The following SERPINB13 variants were observed in gnomAD, a reference collection of about 807,000 sequenced individuals.
SERPINB13 encodes the protein serpin family B member 13, also known as serpin B13.
A neutral mutation model predicts 31.2 loss-of-function variants in SERPINB13; 26 were observed. The observed-to-expected ratio is 0.83, with a 90% CI of 0.61 to 1.15. SERPINB13 has a LOEUF of 1.15. SERPINB13 is among the 50% of genes most tolerant of loss of function. The probability of loss-of-function intolerance (pLI) is 0.00; values close to 1 mark genes in which losing one functional copy is unlikely to be tolerated. For synonymous variants in SERPINB13, 191 were observed against 172.4 expected, an observed-to-expected ratio of 1.11 and a Z score of -0.85; for missense variants, 510 against 469.4, an observed-to-expected ratio of 1.09 and a Z score of -0.80.
rs1224717147 is a variant in SERPINB13 at position 63,588,807 on chromosome 18, G to A, written c.140G>A (p.Gly47Glu). ...AIGMVLLGTR[G>E]ATASQLEEVF... ...GGCATGGTCCTCCTGGGGACCCGAG[G>A]AGCCACCGCTTCCCAGTTGGAGGAG... Residue 47 changes from glycine to glutamate, a missense_variant, in exon 2 of 8, where the codon GGA becomes GAA. Transcript: ENST00000344731. The A allele has an allele frequency of 2.5e-6, 4 of 1,614,030 alleles. No homozygotes were observed. The highest frequency in any genetic ancestry group is 1.7e-4 in the Middle Eastern group (1 of 6,050).
In SERPINB13 at chr18:63,597,159, G is replaced by A. The variant is rs761586600; in HGVS notation, c.972G>A (p.Gly324=). 2 of 1,614,214 alleles carry A rather than the reference G, an allele frequency of 1.2e-6. No homozygotes were observed. The highest frequency in any genetic ancestry group is 1.7e-5 in the Admixed American group (1 of 60,024). ...ACTCGGGAATGTCGTCAGGCTCCGG[G>A]TTGTACGCCCAGAAGTTCCTGCACA... ...ADYSGMSSGS[G]LYAQKFLHSS... The change falls in exon 8 of 8, where the codon GGG becomes GGA. Residue 324 remains glycine (G), a synonymous_variant. Coordinates refer to ENST00000344731, the MANE Select transcript of SERPINB13 (RefSeq NM_012397.4).
At chr18:63,595,495 T>A (rs1166714095) in intron 7 of SERPINB13, among the ~76,000 whole-genome samples, 1 of 152,212 alleles carries the variant, frequency 6.6e-6, no homozygotes, top group East Asian at 1.9e-4. Context: ...AAATCACATA[T>A]GCATATATAC....
Position 63,592,921 on chromosome 18 carries a change from C to T in SERPINB13, c.422C>T (p.Ala141Val), listed in dbSNP as rs143364108. Residue 141 changes from alanine to valine, a missense_variant, in exon 5 of 8, where the codon GCC becomes GTC. Ala to Val is a moderately conservative substitution (Grantham distance 64, BLOSUM62 0). Transcript: ENST00000344731. ...SLEPVDFVNA[A>V]DESRKKINSW... ...GAACCTGTTGATTTTGTAAATGCAGCCGATGAAAGTCGAAAGAAGATTAAT... is the reference window on the plus strand; with the variant it reads ...GAACCTGTTGATTTTGTAAATGCAGTCGATGAAAGTCGAAAGAAGATTAAT... 1.8e-3 allele frequency: 2,894 copies of T among 1,613,076 alleles called. 20 individuals carry two copies. Among genetic ancestry groups the T allele is most frequent in the Non-Finnish European group, 1.1e-3 (1,253 of 1,179,416 alleles).
rs899348265 is a variant in SERPINB13 at position 63,589,997 on chromosome 18, G to T, written c.225+282G>T. 2.6e-5 allele frequency: 11 copies of T among 416,288 alleles called. 1 individual carries two copies. Among genetic ancestry groups the T allele is most frequent in the African/African-American group, 4.1e-5 (2 of 48,914 alleles). 25.8% of individuals were successfully genotyped at this position (416,288 alleles called of 1,614,324 possible). ...GCTAATAGACAGAAAAGTTCCCATA[G>T]CAGAGTGGATGGGTTTTGGAGTTAA... On this transcript the variant is annotated intron_variant, in intron 3 of 7. Transcript: ENST00000344731.
At position 63,594,103 on chromosome 18, in the gene SERPINB13, A is replaced by T. The variant is rs1178103955; in HGVS notation, c.473-252A>T. The T allele has an allele frequency of 3.7e-6, 5 of 1,364,150 alleles. No homozygotes were observed. The African/African-American group carries it at 7.3e-5, about 20-fold the overall frequency. 84.5% of individuals were successfully genotyped at this position (1,364,150 alleles called of 1,614,324 possible). A position where few individuals can be genotyped will look rare whatever the true frequency, so the allele number is the denominator to read the frequency against. On this transcript the variant is annotated intron_variant, in intron 5 of 7. Coordinates refer to ENST00000344731, the MANE Select transcript of SERPINB13 (RefSeq NM_012397.4). ...CTGATAAGAGGCAAACTGGATGCTA[A>T]CAGAGGCATCTGACCCCAGAGTCTG...
intron 7 of SERPINB13, 141 bp downstream of exon 7, chr18:63,595,325 G>C (rs1912102656): frequency 1.3e-6 from 1 of 794,596 alleles, no homozygotes; most frequent in South Asian, 1.8e-5. Context: ...ATGTCTACTG[G>C]GGAGCATTAA....
At position 63,599,034 on chromosome 18, in the gene SERPINB13, A is replaced by G. The variant is rs1912349584; in HGVS notation, c.*1671A>G. ...AGCTTTTTTTATGTGCTTATTGGCC[A>G]TTTGTTTGACTTTGTTTGGTGAAAT... On this transcript the variant is annotated 3_prime_UTR_variant, in exon 8 of 8. Transcript: ENST00000344731. 6.6e-6 allele frequency: 1 copy of G among 152,036 alleles called. No homozygotes were observed. The allele number at this position is 152,036 out of a possible 1,614,324, so 9.4% of individuals were successfully genotyped here. A position where few individuals can be genotyped will look rare whatever the true frequency, so the allele number is the denominator to read the frequency against.
chr18:63,589,720 G>A lies in SERPINB13; in HGVS notation c.225+5G>A, dbSNP rs1911739471. On this transcript the variant is annotated splice_donor_5th_base_variant and intron_variant, in intron 3 of 7. Transcript: ENST00000344731. ...AAGGCTGAAGAAAAAGAGGTGGTAA[G>A]AATAAAGGCTGAAGGAAAAGAGGTG... The A allele has an allele frequency of 6.2e-7, 1 of 1,613,890 alleles. No homozygotes were observed. Among genetic ancestry groups the A allele is most frequent in the East Asian group, 2.2e-5 (1 of 44,866 alleles).
At chr18:63,587,526 C>T (rs1911583916) in intron 1 of SERPINB13, 76 bp downstream of exon 1, 1 of 452,914 alleles carries the variant, frequency 2.2e-6, no homozygotes, top group Admixed American at 2.7e-5. Context: ...GAAAGAATTA[C>T]TTTTATTTTG....
intron 1 of SERPINB13, among the ~76,000 whole-genome samples, chr18:63,588,022 T>C (rs776427489): frequency 1.3e-5 from 2 of 152,198 alleles, no homozygotes; most frequent in African/African-American, 4.8e-5. Context: ...ACCAGAGATA[T>C]GTGGTTTCTG....
At chr18:63,593,784 T>C (rs1032805421) in intron 5 of SERPINB13, among the ~76,000 whole-genome samples, 2 of 152,176 alleles carry the variant, frequency 1.3e-5, no homozygotes, top group Non-Finnish European at 2.9e-5. Context: ...TTCAAAAAGT[T>C]GAACAGTATT....
At chr18:63,593,081 C>G (rs184510430) in intron 5 of SERPINB13, 110 bp downstream of exon 5, 5 of 719,212 alleles carry the variant, frequency 7.0e-6, no homozygotes, top group Non-Finnish European at 1.2e-5. Flanking sequence ...CTTGTCACTG[C>G]GTGGGGTGCC....
intron 3 of SERPINB13, chr18:63,590,089 CTTCT>C (rs1354782768): frequency 1.1e-5 from 2 of 174,730 alleles, no homozygotes; most frequent in African/African-American, 4.7e-5. Flanking sequence ...AGTTATTTAT[CTTCT>C]TTCAGCCTCT....
chr18:63,599,149 C>CT lies in SERPINB13; in HGVS notation c.*1788dup, dbSNP rs1362807631. On this transcript the variant is annotated 3_prime_UTR_variant, in exon 8 of 8. Coordinates refer to ENST00000344731, the MANE Select transcript of SERPINB13 (RefSeq NM_012397.4). The stretch of plus-strand genomic sequence containing the variant: ...TAAATGAGTTCTTAATAATCTCTGG[C>CT]TTACAAGTCCTTAATTTATCAAATA... The CT allele has an allele frequency of 6.6e-6, 1 of 152,058 alleles. No individual in the cohort carries two copies. The highest frequency in any genetic ancestry group is 2.4e-5 in the African/African-American group (1 of 41,412). The allele number at this position is 152,058 out of a possible 1,614,324, so 9.4% of individuals were successfully genotyped here. A position where few individuals can be genotyped will look rare whatever the true frequency, so the allele number is the denominator to read the frequency against.
At chr18:63,589,614 C>A in intron 2 of SERPINB13, 42 bp from the exon 3 acceptor site, 1 of 1,601,764 alleles carries the variant, frequency 6.2e-7, no homozygotes, top group Non-Finnish European at 8.5e-7. Flanking sequence ...GTGAGGTTTT[C>A]TCTTCTCTGA....
In SERPINB13 at chr18:63,587,367, T is replaced by C. The variant is rs868610492; in HGVS notation, c.-101T>C. ...CACTGCTGAAGCAGATGTGGAGAAC[T>C]ATAAATTAAGGATCCCAGCTACTTA... On this transcript the variant is annotated 5_prime_UTR_variant, in exon 1 of 8. Transcript: ENST00000344731. 2.1e-6 allele frequency: 1 copy of C among 468,540 alleles called. No individual in the cohort carries two copies. The highest frequency in any genetic ancestry group is 4.4e-6 in the Non-Finnish European group (1 of 226,290). The allele number at this position is 468,540 out of a possible 1,614,324, so 29.0% of individuals were successfully genotyped here. A position where few individuals can be genotyped will look rare whatever the true frequency, so the allele number is the denominator to read the frequency against.
In SERPINB13 at chr18:63,592,878, T is replaced by C; in HGVS notation, c.379T>C (p.Tyr127His). 1 of 1,603,778 alleles carries C rather than the reference T, an allele frequency of 6.2e-7. No individual in the cohort carries two copies. The highest frequency in any genetic ancestry group is 8.5e-7 in the Non-Finnish European group (1 of 1,174,756). Residue 127 changes from tyrosine to histidine, a missense_variant, in exon 5 of 8, where the codon TAT (tyrosine) becomes CAT (histidine). Transcript: ENST00000344731. ...GAAATACTTAGATTATGTTGAAAAATATTATCATGCATCTCTGGAACCTGT... is the reference window on the plus strand; with the variant it reads ...GAAATACTTAGATTATGTTGAAAAACATTATCATGCATCTCTGGAACCTGT... ...LQKYLDYVEKYYHASLEPVDF... is the reference protein window; with the variant it reads ...LQKYLDYVEKHYHASLEPVDF...
intron 5 of SERPINB13, among the ~76,000 whole-genome samples, chr18:63,593,648 T>C (rs1039988765): frequency 2.6e-5 from 4 of 152,358 alleles, no homozygotes; most frequent in Admixed American, 2.0e-4. Flanking sequence ...ACTTTAGTGT[T>C]AGAGTTTCAG....
intron 2 of SERPINB13, 105 bp downstream of exon 2, chr18:63,588,937 T>C: frequency 8.3e-7 from 1 of 1,206,604 alleles, no homozygotes; most frequent in Non-Finnish European, 1.1e-6. Flanking sequence ...CTTCTTGACC[T>C]GTGGACCAGG....
Sources: allele counts gnomAD v4.1 joint callset (sites outside exome capture counted in the v4.1 genomes callset), GRCh38; gene constraint gnomAD v4.1.1; transcripts MANE v1.5; gene names NCBI Gene and HGNC (gene_info 2026-07-23, HGNC 2026-07-21).